SHANK2: variants seen among roughly 807,000 people sequenced by gnomAD.
The protein encoded by SHANK2 is SH3 and multiple ankyrin repeat domains 2.
SHANK2 carries 43 observed loss-of-function variants against 133.7 expected under a neutral mutation model. The observed-to-expected ratio is 0.32, with a 90% confidence interval of 0.25 to 0.41. The LOEUF (loss-of-function observed/expected upper bound fraction) is 0.41. Among genes scored for constraint, SHANK2 ranks in the 10% least tolerant of loss-of-function variants. The pLI, the probability that SHANK2 is intolerant of heterozygous loss-of-function variation, is 1.00. For synonymous variants in SHANK2, 1,017 were observed against 952.8 expected (o/e 1.07, Z -1.24); for missense variants, 1,994 against 2,235.8 (o/e 0.89, Z 2.18).
At chr11:71,219,068 G>A (rs189242190) in intron 2 of SHANK2, among the ~76,000 whole-genome samples, 11 of 152,296 alleles carry the variant, frequency 7.2e-5, no homozygotes, top group South Asian at 2.1e-4. Flanking sequence ...ACACCATCAC[G>A]TGCAATGTCC....
chr11:71,231,174 A>T (rs1954735121), intron 1 of SHANK2, among the ~76,000 whole-genome samples: 1 of 152,224 alleles, frequency 6.6e-6, no homozygotes, highest in South Asian at 2.1e-4. Flanking sequence ...TATTTAACAA[A>T]TAATTCGAAA....
intron 11 of SHANK2, among the ~76,000 whole-genome samples, chr11:70,883,824 G>C (rs951240062): frequency 6.6e-6 from 1 of 152,226 alleles, no homozygotes; most frequent in Admixed American, 6.5e-5. Flanking sequence ...CAGGCAAGGG[G>C]AGAAGGCGCT....
intron 12 of SHANK2, among the ~76,000 whole-genome samples, chr11:70,817,173 C>A (rs950870568): frequency 6.6e-6 from 1 of 152,212 alleles, no homozygotes; most frequent in Non-Finnish European, 1.5e-5. Flanking sequence ...ACCTGGTCGC[C>A]TCGAAGGCAA....
rs998299589 is a variant in SHANK2 at position 70,535,468 on chromosome 11, G to A, written c.2062-32537C>T. Reference sequence around the variant, plus strand: ...CATCAGTCCAACCATCAGTCCGTCCGTCCATCCATCCATCCATCCATCCAT... The same window carrying A: ...CATCAGTCCAACCATCAGTCCGTCCATCCATCCATCCATCCATCCATCCAT... On this transcript the variant is annotated intron_variant, in intron 17 of 25. Transcript: ENST00000601538. The surrounding 1 kb of genome is among the most constrained non-coding windows in gnomAD (Gnocchi z 4.3). Among the ~76,000 whole-genome samples the A allele has an allele frequency of 3.3e-5, 5 of 150,554 alleles. No homozygotes were observed. The highest frequency in any genetic ancestry group is 1.9e-4 in the East Asian group (1 of 5,162).
intron 17 of SHANK2, among the ~76,000 whole-genome samples, chr11:70,658,356 G>A (rs61886401): frequency 0.055 from 8,370 of 150,908 alleles, 319 homozygotes; most frequent in Middle Eastern, 0.11. Context: ...TCCTACAGAG[G>A]ATGATTCAAC....
intron 9 of SHANK2, among the ~76,000 whole-genome samples, chr11:71,057,914 GTTT>G (rs879235729): frequency 9.9e-5 from 12 of 121,102 alleles, no homozygotes; most frequent in African/African-American, 2.5e-4. Flanking sequence ...AAGCAAAACG[GTTT>G]TTTTTTTTTT....
At chr11:70,634,592 G>A (rs2061046398) in intron 17 of SHANK2, 1 of 152,206 alleles carries the variant, frequency 6.6e-6, no homozygotes, top group South Asian at 2.1e-4. Context: ...CAGGTGAGGT[G>A]GCTCATGCCT....
intron 12 of SHANK2, among the ~76,000 whole-genome samples, chr11:70,813,446 T>A (rs1948319538): frequency 6.6e-6 from 1 of 152,010 alleles, no homozygotes; most frequent in Non-Finnish European, 1.5e-5. Context: ...GGAGCCCCAT[T>A]GAGGGCCCCT....
intron 1 of SHANK2, among the ~76,000 whole-genome samples, chr11:71,238,155 C>T (rs1555123969): frequency 6.6e-6 from 1 of 152,212 alleles, no homozygotes; most frequent in Non-Finnish European, 1.5e-5. Flanking sequence ...ACTCATGATG[C>T]CCACGTGGGA....
intron 17 of SHANK2, among the ~76,000 whole-genome samples, chr11:70,545,802 G>A (rs907068491): frequency 9.2e-5 from 14 of 152,308 alleles, no homozygotes; most frequent in African/African-American, 1.7e-4. Flanking sequence ...CCCCAGCCTC[G>A]GAGGCCAGTT....
intron 17 of SHANK2, among the ~76,000 whole-genome samples, chr11:70,533,068 G>A (rs1446352131): frequency 6.6e-6 from 1 of 152,198 alleles, no homozygotes; most frequent in African/African-American, 2.4e-5. Context: ...GCGGAAAGCA[G>A]ACGTTGCCGG....
intron 15 of SHANK2, chr11:70,668,740 G>A (rs1555015355): frequency 6.6e-6 from 1 of 152,416 alleles, no homozygotes; most frequent in Non-Finnish European, 1.5e-5. Context: ...GAATGGGTTG[G>A]AGGACTGGGG....
intron 15 of SHANK2, among the ~76,000 whole-genome samples, chr11:70,666,888 G>A (rs1944688228): frequency 6.6e-6 from 1 of 152,016 alleles, no homozygotes; most frequent in Non-Finnish European, 1.5e-5. Context: ...TAATCCAGCG[G>A]CGCACTCCCC....
intron 11 of SHANK2, among the ~76,000 whole-genome samples, chr11:70,855,501 G>C (rs1279304526): frequency 6.6e-6 from 1 of 152,100 alleles, no homozygotes; most frequent in East Asian, 1.9e-4. Context: ...CCTGATTCTT[G>C]AACCCCAATG....
At chr11:70,853,502 T>C (rs571231902) in intron 11 of SHANK2, among the ~76,000 whole-genome samples, 1 of 152,250 alleles carries the variant, frequency 6.6e-6, no homozygotes, top group South Asian at 2.1e-4. Context: ...TCAGTCTCTT[T>C]ATGGCCAGGG....
At chr11:70,640,083 G>A (rs1555005780) in intron 17 of SHANK2, among the ~76,000 whole-genome samples, 1 of 152,228 alleles carries the variant, frequency 6.6e-6, no homozygotes, top group Non-Finnish European at 1.5e-5. Flanking sequence ...GCAACCTGGG[G>A]CCACGCACAG....
intron 17 of SHANK2, among the ~76,000 whole-genome samples, chr11:70,539,501 A>ACCACGCTCACTCGCCACGCTCACTCG (rs1321273402): frequency 7.3e-6 from 1 of 137,658 alleles, no homozygotes; most frequent in Non-Finnish European, 1.6e-5. Context: ...CGCCACGCTC[A>ACCACGCTCACTCGCCACGCTCACTCG]CCACGCTCAC....
At chr11:71,248,972 C>T (rs1350422099) in intron 1 of SHANK2, among the ~76,000 whole-genome samples, 1 of 152,188 alleles carries the variant, frequency 6.6e-6, no homozygotes, top group Admixed American at 6.5e-5. Flanking sequence ...CCAGTCCAGG[C>T]TTGGATGTGG....
intron 8 of SHANK2, among the ~76,000 whole-genome samples, chr11:71,090,201 T>C (rs1951483521): frequency 7.2e-6 from 1 of 138,828 alleles, no homozygotes. Flanking sequence ...TGTGTGTGTA[T>C]GTGTCCTGCT....
Sources: allele counts gnomAD v4.1 joint callset (sites outside exome capture counted in the v4.1 genomes callset), GRCh38; gene constraint gnomAD v4.1.1; non-coding constraint Gnocchi (gnomAD v3.1); transcripts MANE v1.5; gene names NCBI Gene and HGNC (gene_info 2026-07-23, HGNC 2026-07-21).